PRKCD: variants seen among roughly 807,000 people sequenced by gnomAD.
The protein encoded by PRKCD is protein kinase C delta.
Under a neutral mutation model 82.2 loss-of-function variants are expected in PRKCD, and 20 were observed. That is an observed-to-expected ratio of 0.24 (90% CI 0.17 to 0.35). The LOEUF (loss-of-function observed/expected upper bound fraction) is 0.35. PRKCD is among the 10% of genes least tolerant of loss of function. The pLI is 1.00. For missense variants in PRKCD, 607 were observed against 899.0 expected (o/e 0.68, Z 4.15); for synonymous variants, 317 against 337.0 (o/e 0.94, Z 0.65).
At chr3:53,175,101 T>C (rs1703170733) in intron 2 of PRKCD, among the ~76,000 whole-genome samples, 2 of 152,088 alleles carry the variant, frequency 1.3e-5, no homozygotes, top group Non-Finnish European at 2.9e-5. Context: ...ATGGAGCCTG[T>C]GGGCTGTCAG....
rs530209040 is a variant in PRKCD, at chr3:53,184,792, T to C, written c.788-82T>C. On this transcript the variant is annotated intron_variant, in intron 9 of 18. Coordinates refer to ENST00000330452, the MANE Select transcript of PRKCD (RefSeq NM_006254.4). ...ACCCCACTGAAGCCCTCCTTTCTCT[T>C]GCTCTCCTGCGCCTCTCCTACACTG... The C allele has an allele frequency of 1.1e-5, 13 of 1,182,874 alleles. 1 individual carries two copies. The East Asian group carries it at 3.1e-4, about 28-fold the overall frequency. The allele number at this position is 1,182,874 out of a possible 1,614,324, so 73.3% of individuals were successfully genotyped here.
At chr3:53,188,236 G>C (rs142019731) in intron 15 of PRKCD, among the ~76,000 whole-genome samples, 70 of 143,710 alleles carry the variant, frequency 4.9e-4, no homozygotes, top group African/African-American at 1.8e-3. Context: ...GCTGCATGCT[G>C]CCATATGCTT....
chr3:53,179,853 T>C, intron 4 of PRKCD, 77 bp downstream of exon 4: 3 of 1,501,146 alleles, frequency 2.0e-6, no homozygotes, highest in Non-Finnish European at 2.7e-6. Context: ...TGTGTGTGCG[T>C]GCACACACGC....
In PRKCD at chr3:53,192,177, G is replaced by A. The variant is rs1305829710; in HGVS notation, c.1942G>A (p.Asp648Asn). The A allele has an allele frequency of 1.3e-5, 21 of 1,613,864 alleles. No individual in the cohort carries two copies. Among genetic ancestry groups the A allele is most frequent in the Middle Eastern group, 1.6e-4 (1 of 6,084 alleles). The change falls in exon 19 of 19, where the codon GAC becomes AAC. Residue 648 changes from aspartate (D) to asparagine (N), a missense_variant. Asp to Asn is a conservative substitution (Grantham distance 23). This residue lies in a region of PRKCD where 251 missense variants were observed against 423.9 expected (regional missense o/e 0.59). Transcript: ENST00000330452. ...CGAGAAGGCGCGCCTCTCCTACAGC[G>A]ACAAGAACCTCATCGACTCCATGGA... ...LNEKARLSYS[D>N]KNLIDSMDQS...
intron 16 of PRKCD, 23 bp downstream of exon 16, chr3:53,188,881 C>T (rs782710473): frequency 5.6e-6 from 9 of 1,612,830 alleles, no homozygotes; most frequent in Middle Eastern, 1.7e-4. Context: ...CCTTCCAGCC[C>T]CCCGCTCAGT....
Position 53,181,488 on chromosome 3 carries a change from A to G in PRKCD, c.421A>G (p.Thr141Ala), listed in dbSNP as rs1703439359. 2 of 1,614,192 alleles carry G rather than the reference A, an allele frequency of 1.2e-6. No individual in the cohort carries two copies. The highest frequency in any genetic ancestry group is 2.2e-5 in the East Asian group (1 of 44,882). Residue 141 changes from threonine (T) to alanine (A), a missense_variant, in exon 6 of 19, where the codon ACG (threonine) becomes GCG (alanine). Physicochemically the swap from Thr to Ala is moderately conservative, Grantham distance 58. Coordinates refer to ENST00000330452, the MANE Select transcript of PRKCD (RefSeq NM_006254.4). ...MRSEDEAKFP[T>A]MNRRGAIKQA... ...CAGTGAGGACGAGGCCAAGTTCCCA[A>G]CGATGAACCGCCGCGGAGCCATCAA...
intron 2 of PRKCD, among the ~76,000 whole-genome samples, chr3:53,168,905 A>C: frequency 6.7e-6 from 1 of 148,662 alleles, no homozygotes; most frequent in African/African-American, 2.5e-5. Context: ...CAGAGGGGCA[A>C]TGGGAGGCAC....
intron 2 of PRKCD, among the ~76,000 whole-genome samples, chr3:53,176,862 T>C (rs992812165): frequency 6.6e-6 from 1 of 152,226 alleles, no homozygotes; most frequent in Admixed American, 6.5e-5. Flanking sequence ...AGAGTCTCGC[T>C]CTGTTGCCCA....
At position 53,183,609 on chromosome 3, in the gene PRKCD, A is replaced by G. The variant is rs782233600; in HGVS notation, c.787+28A>G. The G allele has an allele frequency of 8.7e-6, 14 of 1,611,432 alleles. No individual in the cohort carries two copies. The East Asian group carries it at 2.7e-4, about 31-fold the overall frequency. On this transcript the variant is annotated intron_variant, in intron 9 of 18. Coordinates refer to ENST00000330452, the MANE Select transcript of PRKCD (RefSeq NM_006254.4). ...GCGTGCCACCCCGCCCCTGGGCTGC[A>G]GGAGGGGCACTCCCAGCTGGTGCTG... is the stretch of plus-strand genomic sequence containing the variant.
intron 18 of PRKCD, among the ~76,000 whole-genome samples, 163 bp from the exon 19 acceptor site, chr3:53,191,945 C>T (rs1703938455): frequency 6.6e-6 from 1 of 152,272 alleles, no homozygotes. Context: ...AAATGGCAGC[C>T]TCCTTCCCAT....
chr3:53,179,478 G>A lies in PRKCD; in HGVS notation c.116-99G>A, dbSNP rs536569904. On this transcript the variant is annotated intron_variant, in intron 3 of 18. Transcript: ENST00000330452. The stretch of plus-strand genomic sequence containing the variant: ...GGAACCACAGCAGGCCCTCAAGGCA[G>A]GAGAGTCGGGCAGATTCTGCCAGGG... The A allele has an allele frequency of 1.1e-5, 16 of 1,495,734 alleles. No homozygotes were observed. In the African/African-American group the frequency reaches 1.5e-4, roughly 14 times the overall value. 92.7% of individuals were successfully genotyped at this position (1,495,734 alleles called of 1,614,324 possible). A position where few individuals can be genotyped will look rare whatever the true frequency, so the allele number is the denominator to read the frequency against.
chr3:53,191,425 A>G (rs1301020589), intron 18 of PRKCD, among the ~76,000 whole-genome samples: 1 of 149,146 alleles, frequency 6.7e-6, no homozygotes, highest in Non-Finnish European at 1.5e-5. Context: ...ATAAATAAAT[A>G]AAAATAAATA....
chr3:53,174,142 C>T (rs1703138391), intron 2 of PRKCD, among the ~76,000 whole-genome samples: 1 of 152,226 alleles, frequency 6.6e-6, no homozygotes, highest in South Asian at 2.1e-4. Flanking sequence ...ATAGGGATAA[C>T]GTGAGCTAAT....
intron 9 of PRKCD, among the ~76,000 whole-genome samples, chr3:53,184,058 C>T (rs924882561): frequency 2.6e-5 from 4 of 152,132 alleles, no homozygotes; most frequent in African/African-American, 4.8e-5. Flanking sequence ...ATTGGCTGGG[C>T]GCGGTGGCTC....
At chr3:53,185,863 C>T (rs1703658597) in intron 11 of PRKCD, 64 bp from the exon 12 acceptor site, 2 of 1,574,366 alleles carry the variant, frequency 1.3e-6, no homozygotes, top group South Asian at 1.1e-5. Flanking sequence ...CTACCCCAGG[C>T]CCCGGGGGAG....
At chr3:53,173,085 C>T (rs1365001569) in intron 2 of PRKCD, among the ~76,000 whole-genome samples, 1 of 152,222 alleles carries the variant, frequency 6.6e-6, no homozygotes, top group East Asian at 1.9e-4. Context: ...AACCATTATC[C>T]AACAAGTTAC....
Position 53,188,911 on chromosome 3 carries a change from C to T in PRKCD, c.1554+53C>T, listed in dbSNP as rs539170785. ...CTCAGTCAGGCACCTTGCCTCCCCA[C>T]GGTGGGCCAGGGAAGGATTCCCAAG... is the stretch of plus-strand genomic sequence containing the variant. On this transcript the variant is annotated intron_variant, in intron 16 of 18. Transcript: ENST00000330452. 23 of 1,604,806 alleles carry T rather than the reference C, an allele frequency of 1.4e-5. No homozygotes were observed. The East Asian group carries it at 2.7e-4, about 19-fold the overall frequency.
chr3:53,192,511 A>C lies in PRKCD; in HGVS notation c.*245A>C. 2.9e-6 allele frequency: 1 copy of C among 347,214 alleles called. No homozygotes were observed. Among genetic ancestry groups the C allele is most frequent in the Admixed American group, 4.1e-5 (1 of 24,688 alleles). 21.5% of individuals were successfully genotyped at this position (347,214 alleles called of 1,614,324 possible). On this transcript the variant is annotated 3_prime_UTR_variant, in exon 19 of 19. Coordinates refer to ENST00000330452, the MANE Select transcript of PRKCD (RefSeq NM_006254.4). ...TTTCATTACTTGAATGTAGTTATCTATTGAAAATATATATTATATACATAG... is the reference window on the plus strand; with the variant it reads ...TTTCATTACTTGAATGTAGTTATCTCTTGAAAATATATATTATATACATAG...
At chr3:53,177,693 C>A (rs1703256899) in intron 2 of PRKCD, among the ~76,000 whole-genome samples, 1 of 152,112 alleles carries the variant, frequency 6.6e-6, no homozygotes, top group Admixed American at 6.5e-5. Flanking sequence ...AGGTACCCAG[C>A]AATAGGGTAC....
Sources: gnomAD v4.1 joint callset for allele counts (sites outside exome capture counted in the v4.1 genomes callset) on GRCh38, gnomAD v4.1.1 for gene constraint, gnomAD v4.1.1 regional missense constraint, MANE v1.5 for transcripts, NCBI Gene and HGNC (gene_info 2026-07-23, HGNC 2026-07-21) for gene names.